The following CDK5RAP2 variants were observed in gnomAD, a reference collection of about 807,000 sequenced individuals.
The protein encoded by CDK5RAP2 is CDK5 regulatory subunit-associated protein 2.
A neutral mutation model predicts 232.9 loss-of-function variants in CDK5RAP2; 147 were observed. That is an observed-to-expected ratio of 0.63 (90% CI 0.55 to 0.72). The LOEUF (loss-of-function observed/expected upper bound fraction) is 0.72, where lower values mean the gene tolerates loss of function less well. CDK5RAP2 is among the 30% of genes least tolerant of loss of function. The pLI is 0.00. For synonymous variants in CDK5RAP2, 833 were observed against 833.7 expected (o/e 1.00, Z 0.01); for missense variants, 2,195 against 2,231.5 (o/e 0.98, Z 0.33).
At chr9:120,545,160 G>A (rs2041789849) in intron 5 of CDK5RAP2, among the ~76,000 whole-genome samples, 1 of 152,096 alleles carries the variant, frequency 6.6e-6, no homozygotes, top group South Asian at 2.1e-4. Context: ...TACTGTGGCT[G>A]AAGCCCCATC....
intron 7 of CDK5RAP2, among the ~76,000 whole-genome samples, chr9:120,533,134 C>T (rs1279176799): frequency 6.6e-6 from 1 of 152,124 alleles, no homozygotes; most frequent in African/African-American, 2.4e-5. Context: ...TGTCACAGCA[C>T]GGAACCCTGG....
intron 18 of CDK5RAP2, among the ~76,000 whole-genome samples, chr9:120,464,095 CTCAGTACT>C (rs1326510783): frequency 1.3e-5 from 2 of 152,174 alleles, no homozygotes; most frequent in African/African-American, 4.8e-5. Flanking sequence ...ATAGGAAGTT[CTCAGTACT>C]TTTTTCTTTC....
intron 17 of CDK5RAP2, among the ~76,000 whole-genome samples, chr9:120,469,143 A>T (rs1021032265): frequency 1.2e-4 from 18 of 152,052 alleles, no homozygotes; most frequent in African/African-American, 4.1e-4. Flanking sequence ...CTCCCAAAAT[A>T]CCCAAATTTT....
intron 14 of CDK5RAP2, among the ~76,000 whole-genome samples, chr9:120,486,053 G>A (rs577658643): frequency 6.6e-6 from 1 of 152,352 alleles, no homozygotes; most frequent in African/African-American, 2.4e-5. Flanking sequence ...AGCATTGGTT[G>A]CTAATATACT....
intron 14 of CDK5RAP2, among the ~76,000 whole-genome samples, chr9:120,479,606 T>C (rs1251787767): frequency 6.6e-6 from 1 of 152,166 alleles, no homozygotes; most frequent in South Asian, 2.1e-4. Context: ...ATAAACTGAA[T>C]CTAATCAGCA....
chr9:120,481,497 G>GTTTTCTTTTTTTTTT (rs1470726520), intron 14 of CDK5RAP2, among the ~76,000 whole-genome samples: 4 of 141,592 alleles, frequency 2.8e-5, no homozygotes, highest in Admixed American at 7.0e-5. Context: ...TGTCAATATT[G>GTTTTCTTTTTTTTTT]TTTTCTTTTT....
At chr9:120,569,304 G>A (rs913570912) in intron 2 of CDK5RAP2, among the ~76,000 whole-genome samples, 6 of 152,204 alleles carry the variant, frequency 3.9e-5, no homozygotes, top group Non-Finnish European at 7.3e-5. Context: ...AAATGCAGCC[G>A]ATAGTCTAGA....
intron 3 of CDK5RAP2, among the ~76,000 whole-genome samples, chr9:120,564,467 GCAA>G (rs1217022602): frequency 1.4e-5 from 2 of 143,350 alleles, no homozygotes; most frequent in Non-Finnish European, 3.0e-5. Flanking sequence ...TCCAGCCTGG[GCAA>G]CAGAGTGAGA....
At chr9:120,509,504 A>AT (rs1314113672) in intron 12 of CDK5RAP2, among the ~76,000 whole-genome samples, 13 of 152,248 alleles carry the variant, frequency 8.5e-5, no homozygotes, top group African/African-American at 2.7e-4. Context: ...GGGAGTGAAC[A>AT]TAAGTTTAAT....
chr9:120,402,755 C>T, intron 34 of CDK5RAP2, 51 bp downstream of exon 34: 1 of 1,608,984 alleles, frequency 6.2e-7, no homozygotes, highest in South Asian at 1.1e-5. Flanking sequence ...CCCCCTTCCA[C>T]CGACACTCCC....
intron 3 of CDK5RAP2, among the ~76,000 whole-genome samples, chr9:120,552,586 C>G (rs188963865): frequency 6.9e-4 from 104 of 151,126 alleles, no homozygotes; most frequent in Admixed American, 1.2e-3. Flanking sequence ...AGCAAACTAT[C>G]GCAAGGATAA....
intron 29 of CDK5RAP2, among the ~76,000 whole-genome samples, chr9:120,410,036 T>A (rs1411787363): frequency 1.3e-5 from 2 of 152,158 alleles, no homozygotes; most frequent in Non-Finnish European, 2.9e-5. Context: ...ACAGTTGACC[T>A]GCACCAGCAC....
intron 32 of CDK5RAP2, 143 bp downstream of exon 32, chr9:120,406,869 T>G: frequency 1.5e-6 from 1 of 666,536 alleles, no homozygotes; most frequent in Non-Finnish European, 2.6e-6. Context: ...AGCAGTCAGG[T>G]CCCCTGGCTC....
chr9:120,513,281 A>G (rs1043484273), intron 12 of CDK5RAP2, among the ~76,000 whole-genome samples: 4 of 152,264 alleles, frequency 2.6e-5, no homozygotes, highest in Middle Eastern at 3.4e-3. Flanking sequence ...TCCATCCTCT[A>G]GACATCCATC....
chr9:120,536,920 G>C (rs1702854779), intron 6 of CDK5RAP2, among the ~76,000 whole-genome samples: 1 of 143,260 alleles, frequency 7.0e-6, no homozygotes, highest in Admixed American at 7.0e-5. Flanking sequence ...ATTTTTTTAA[G>C]ATAATGACTG....
At position 120,460,488 on chromosome 9, in the gene CDK5RAP2, C is replaced by T. The variant is rs1308384894; in HGVS notation, c.2202+84G>A. On this transcript the variant is annotated intron_variant, in intron 19 of 37. Coordinates refer to ENST00000349780, the MANE Select transcript of CDK5RAP2 (RefSeq NM_018249.6). ...GATATAGGCAGAATGAACAGAAAAC[C>T]CACTGGACTCATTCCAGACTCGAAG... The T allele has an allele frequency of 6.3e-6, 8 of 1,268,590 alleles. No homozygotes were observed. In the Admixed American group the frequency reaches 9.1e-5, roughly 14 times the overall value. 78.6% of individuals were successfully genotyped at this position (1,268,590 alleles called of 1,614,324 possible).
Position 120,556,429 on chromosome 9 carries a change from A to C in CDK5RAP2, c.196-5527T>G, listed in dbSNP as rs1434402776. Among the ~76,000 whole-genome samples the C allele has an allele frequency of 1.3e-5, 2 of 151,822 alleles. 1 individual carries two copies. On this transcript the variant is annotated intron_variant, in intron 3 of 37. Transcript: ENST00000349780. ...TAGCATATCATATTCTTTTTAGTAA[A>C]TACTTTTTTTTTTTTTTGAGACAGA...
intron 18 of CDK5RAP2, among the ~76,000 whole-genome samples, 184 bp downstream of exon 18, chr9:120,467,676 C>T (rs570730646): frequency 2.1e-4 from 32 of 151,902 alleles, no homozygotes; most frequent in African/African-American, 7.2e-4. Flanking sequence ...GACAGGGTCT[C>T]GCTCTATCCC....
At position 120,490,474 on chromosome 9, in the gene CDK5RAP2, T is replaced by C. The variant is rs148927382; in HGVS notation, c.1482+833A>G. ...GAGGAGAGTGTCACCTCTAACTGCT[T>C]AGAATTACAGCCAGTCTCCCATTTT... is the stretch of plus-strand genomic sequence containing the variant. On this transcript the variant is annotated intron_variant, in intron 13 of 37. Transcript: ENST00000349780. 7.2e-5 allele frequency among the ~76,000 whole-genome samples: 11 copies of C among 152,302 alleles called. No individual in the cohort carries two copies. The East Asian group carries it at 2.1e-3, about 29-fold the overall frequency.
Sources: gnomAD v4.1 joint callset for allele counts (sites outside exome capture counted in the v4.1 genomes callset) on GRCh38, gnomAD v4.1.1 for gene constraint, MANE v1.5 for transcripts, NCBI Gene and HGNC (gene_info 2026-07-23, HGNC 2026-07-21) for gene names.